MDH2: variants seen among roughly 807,000 people sequenced by gnomAD.
The protein encoded by MDH2 is malate dehydrogenase, mitochondrial.
Under a neutral mutation model 33.6 loss-of-function variants are expected in MDH2, and 25 were observed. The observed-to-expected ratio is 0.74, with a 90% CI of 0.54 to 1.04. The LOEUF (loss-of-function observed/expected upper bound fraction) is 1.04, where lower values mean the gene tolerates loss of function less well. MDH2 is among the 50% of genes least tolerant of loss of function. The pLI is 0.00. For missense variants in MDH2, 432 were observed against 445.0 expected, an observed-to-expected ratio of 0.97 and a Z score of 0.26; for synonymous variants, 193 against 188.7, an observed-to-expected ratio of 1.02 and a Z score of -0.19.
Position 76,055,323 on chromosome 7 carries a change from G to A in MDH2, c.235+325G>A, listed in dbSNP as rs561489362. On this transcript the variant is annotated intron_variant, in intron 2 of 8. Transcript: ENST00000315758. ...ACAGTAAGGTGGTGGTCTCAGCTGC[G>A]GGCCACCTTCCCTCCACCCCAGGGT... Among the ~76,000 whole-genome samples the A allele has an allele frequency of 7.2e-4, 110 of 152,118 alleles. 1 individual carries two copies. The highest frequency in any genetic ancestry group is 2.4e-3 in the African/African-American group (98 of 41,480).
At chr7:76,060,250 A>T in intron 4 of MDH2, 123 bp from the exon 5 acceptor site, 2 of 1,304,136 alleles carry the variant, frequency 1.5e-6, no homozygotes, top group Non-Finnish European at 2.1e-6. Flanking sequence ...AGGGCAGTTT[A>T]ATGTGGCATC....
At chr7:76,058,200 G>C (rs1797844439) in intron 4 of MDH2, 122 bp downstream of exon 4, 1 of 883,852 alleles carries the variant, frequency 1.1e-6, no homozygotes, top group Non-Finnish European at 1.7e-6. Context: ...GGGATACACA[G>C]ATGAAGGGGC....
rs544204388 is a variant in MDH2, at chr7:76,056,397, G to A, written c.236-1013G>A. On this transcript the variant is annotated intron_variant, in intron 2 of 8. Coordinates refer to ENST00000315758, the MANE Select transcript of MDH2 (RefSeq NM_005918.4). ...TTCTTTCCCCTCTGACAGCGTATGC[G>A]ATACCGTGTCTGATGGTGTTTACAT... Among the ~76,000 whole-genome samples the A allele has an allele frequency of 2.0e-5, 3 of 152,228 alleles. No homozygotes were observed. The South Asian group carries it at 6.2e-4, about 32-fold the overall frequency.
In MDH2 at chr7:76,066,414, G is replaced by A. The variant is rs200200341; in HGVS notation, c.*4G>A. 25 of 1,602,472 alleles carry A rather than the reference G, an allele frequency of 1.6e-5. No homozygotes were observed. In the East Asian group the frequency reaches 3.1e-4, roughly 20 times the overall value. On this transcript the variant is annotated 3_prime_UTR_variant, in exon 9 of 9. Coordinates refer to ENST00000315758, the MANE Select transcript of MDH2 (RefSeq NM_005918.4). ...TTTCGTGAAGACCCTGAAGTGAGCC[G>A]CTGTGACGGGTGGCCAGTTTCCTTA...
chr7:76,061,956 A>G (rs1554587085), intron 5 of MDH2, among the ~76,000 whole-genome samples: 1 of 152,226 alleles, frequency 6.6e-6, no homozygotes, highest in African/African-American at 2.4e-5. Flanking sequence ...ATGGCCACAT[A>G]TGGCTCCTCT....
chr7:76,057,368 A>G (rs139476346), intron 2 of MDH2, 42 bp from the exon 3 acceptor site: 3 of 1,611,160 alleles, frequency 1.9e-6, no homozygotes, highest in African/African-American at 2.7e-5. Flanking sequence ...GCCTCTCTGA[A>G]TCAGAAACGG....
Position 76,057,658 on chromosome 7 carries a change from A to G in MDH2, c.319+165A>G, listed in dbSNP as rs115302196. On this transcript the variant is annotated intron_variant, in intron 3 of 8. Coordinates refer to ENST00000315758, the MANE Select transcript of MDH2 (RefSeq NM_005918.4). ...GGTCACATCTCTTTGTTGGCCTGGG[A>G]TCAAAGTCGTCTTGCCGTTCCCCTG... Among the ~76,000 whole-genome samples the G allele has an allele frequency of 0.024, 3,624 of 152,116 alleles. 136 individuals are homozygous for G. The highest frequency in any genetic ancestry group is 0.081 in the African/African-American group (3,362 of 41,480).
chr7:76,052,226 T>C (rs1554585566), intron 1 of MDH2, among the ~76,000 whole-genome samples: 2 of 152,046 alleles, frequency 1.3e-5, no homozygotes, highest in Non-Finnish European at 1.5e-5. Context: ...CTTACACCTA[T>C]AATCCCAGCA....
At chr7:76,061,326 T>C (rs1340692581) in intron 5 of MDH2, among the ~76,000 whole-genome samples, 1 of 152,150 alleles carries the variant, frequency 6.6e-6, no homozygotes, top group African/African-American at 2.4e-5. Context: ...CATCTGCTTC[T>C]GAGGAGTTAG....
intron 2 of MDH2, among the ~76,000 whole-genome samples, chr7:76,056,599 A>G (rs529293030): frequency 5.9e-5 from 9 of 152,318 alleles, no homozygotes; most frequent in African/African-American, 2.2e-4. Flanking sequence ...TATTGTAGCA[A>G]ATTTCCCTGA....
At chr7:76,065,672 G>A (rs1554587774) in intron 8 of MDH2, among the ~76,000 whole-genome samples, 1 of 152,172 alleles carries the variant, frequency 6.6e-6, no homozygotes, top group African/African-American at 2.4e-5. Flanking sequence ...ATAGGCCCTT[G>A]AGCCAGGGGA....
chr7:76,065,123 T>C, intron 8 of MDH2, 170 bp downstream of exon 8: 4 of 725,522 alleles, frequency 5.5e-6, no homozygotes, highest in Non-Finnish European at 8.8e-6. Context: ...GCTGGGAGGA[T>C]CACAGACTGT....
intron 7 of MDH2, 125 bp from the exon 8 acceptor site, chr7:76,064,677 G>T: frequency 1.8e-6 from 2 of 1,124,038 alleles, no homozygotes; most frequent in Non-Finnish European, 2.5e-6. Context: ...CAAGAAATCG[G>T]GGTGCTGACT....
chr7:76,056,059 C>T (rs1377375903), intron 2 of MDH2, among the ~76,000 whole-genome samples: 9 of 152,110 alleles, frequency 5.9e-5, no homozygotes, highest in African/African-American at 2.2e-4. Context: ...AACTCCTGAC[C>T]TCAAATGATC....
intron 5 of MDH2, among the ~76,000 whole-genome samples, chr7:76,062,647 G>A (rs1432505590): frequency 2.0e-5 from 3 of 152,246 alleles, no homozygotes; most frequent in Non-Finnish European, 4.4e-5. Flanking sequence ...GGGCGCAGTG[G>A]TGCATGCCTG....
Position 76,061,070 on chromosome 7 carries a change from T to C in MDH2, c.555+572T>C, listed in dbSNP as rs188793062. On this transcript the variant is annotated intron_variant, in intron 5 of 8. Transcript: ENST00000315758. Reference sequence around the variant, plus strand: ...GCTGGACGGAGACTGAGCTGCTGGGTGTGGCTTGAGCTCGGCTTGGTTTGG... The same window carrying C: ...GCTGGACGGAGACTGAGCTGCTGGGCGTGGCTTGAGCTCGGCTTGGTTTGG... Among the ~76,000 whole-genome samples, 229 of 152,136 alleles carry C rather than the reference T, an allele frequency of 1.5e-3. 1 individual carries two copies. The highest frequency in any genetic ancestry group is 3.4e-3 in the Middle Eastern group (1 of 294).
Position 76,064,972 on chromosome 7 carries a change from GT to G in MDH2, c.885+20del. On this transcript the variant is annotated intron_variant, in intron 8 of 8. Coordinates refer to ENST00000315758, the MANE Select transcript of MDH2 (RefSeq NM_005918.4). ...GCTTGGGGTACGTATCCAGGCGTGG[GT>G]CCTTCTGACTGTGGAATAAGGGGGC... The G allele has an allele frequency of 6.2e-7, 1 of 1,613,844 alleles. No individual in the cohort carries two copies. Among genetic ancestry groups the G allele is most frequent in the Non-Finnish European group, 8.5e-7 (1 of 1,179,850 alleles).
In MDH2 at chr7:76,063,549, T is replaced by G. The variant is rs782587997; in HGVS notation, c.590T>G (p.Ile197Ser). The change falls in exon 6 of 9, where the codon ATT (isoleucine) becomes AGT (serine). Residue 197 changes from isoleucine (I) to serine (S), a missense_variant. Transcript: ENST00000315758. ...LDPARVNVPV[I>S]GGHAGKTIIP... ...CCAGCTCGAGTCAACGTCCCTGTCA[T>G]TGGTGGCCATGCTGGGAAGACCATC... The G allele has an allele frequency of 1.2e-6, 2 of 1,614,098 alleles. No individual in the cohort carries two copies. Among genetic ancestry groups the G allele is most frequent in the East Asian group, 4.5e-5 (2 of 44,896 alleles).
At chr7:76,054,575 C>G (rs1157554207) in intron 1 of MDH2, 6 of 467,858 alleles carry the variant, frequency 1.3e-5, no homozygotes, top group Non-Finnish European at 2.3e-5. Flanking sequence ...CCAGCTTGTT[C>G]TTCATCTTTC....
Sources: gnomAD v4.1 joint callset for allele counts (sites outside exome capture counted in the v4.1 genomes callset) on GRCh38, gnomAD v4.1.1 for gene constraint, MANE v1.5 for transcripts, NCBI Gene and HGNC (gene_info 2026-07-23, HGNC 2026-07-21) for gene names.